SUPT3H: variants seen among roughly 807,000 people sequenced by gnomAD.
The protein encoded by SUPT3H is transcription initiation protein SPT3 homolog.
A neutral mutation model predicts 44.3 loss-of-function variants in SUPT3H; 44 were observed. That is an observed-to-expected ratio of 0.99 (90% CI 0.78 to 1.28). The LOEUF (loss-of-function observed/expected upper bound fraction) is 1.28, where lower values mean the gene tolerates loss of function less well. SUPT3H is among the 50% of genes most tolerant of loss of function. SUPT3H has a pLI of 0.00. For missense variants in SUPT3H, 380 were observed against 387.1 expected (o/e 0.98, Z 0.15); for synonymous variants, 124 against 125.6 (o/e 0.99, Z 0.09).
intron 2 of SUPT3H, among the ~76,000 whole-genome samples, chr6:45,111,500 A>G (rs1279484491): frequency 1.3e-5 from 2 of 151,958 alleles, no homozygotes; most frequent in East Asian, 3.9e-4. Context: ...AATTAGTACT[A>G]GAAGGTCATG....
At chr6:45,198,951 A>G (rs908131660) in intron 2 of SUPT3H, among the ~76,000 whole-genome samples, 5 of 151,302 alleles carry the variant, frequency 3.3e-5, no homozygotes, top group Non-Finnish European at 7.4e-5. Context: ...GACCAATTAC[A>G]ACACTTTATT....
intron 2 of SUPT3H, among the ~76,000 whole-genome samples, chr6:45,364,681 A>C (rs143754381): frequency 1.2e-3 from 178 of 152,294 alleles, no homozygotes; most frequent in African/African-American, 4.0e-3. Flanking sequence ...AATTTCCCAA[A>C]GATTGAATAC....
chr6:45,251,632 G>A (rs1772390762), intron 2 of SUPT3H, among the ~76,000 whole-genome samples: 2 of 151,950 alleles, frequency 1.3e-5, no homozygotes, highest in African/African-American at 4.8e-5. Flanking sequence ...AAAAAAAGAA[G>A]GTATTTTCAA....
chr6:45,341,522 T>C (rs773060596), intron 2 of SUPT3H, among the ~76,000 whole-genome samples: 24 of 152,294 alleles, frequency 1.6e-4, no homozygotes, highest in Non-Finnish European at 2.8e-4. Context: ...AACTACATTT[T>C]AAAAGGAAAA....
intron 10 of SUPT3H, among the ~76,000 whole-genome samples, chr6:44,893,225 G>GT (rs1459184561): frequency 6.6e-6 from 1 of 151,810 alleles, no homozygotes; most frequent in Non-Finnish European, 1.5e-5. Flanking sequence ...TAATAAAAAT[G>GT]TATTTTTTTT....
chr6:45,180,584 C>A (rs1415204424), intron 2 of SUPT3H, among the ~76,000 whole-genome samples: 2 of 151,348 alleles, frequency 1.3e-5, no homozygotes, highest in African/African-American at 2.4e-5. Context: ...ACTATCTGAT[C>A]TTTGACAAAC....
chr6:45,312,687 G>A lies in SUPT3H; in HGVS notation c.101+52514C>T, dbSNP rs941019366. ...TAGACAGCAACACAATAATGTGGGG[G>A]GGGGGGGGGACTTCAATACTCCACT... is the stretch of plus-strand genomic sequence containing the variant. On this transcript the variant is annotated intron_variant, in intron 2 of 10. Coordinates refer to ENST00000371459, the MANE Select transcript of SUPT3H (RefSeq NM_003599.4). Among the ~76,000 whole-genome samples, 16 of 139,442 alleles carry A rather than the reference G, an allele frequency of 1.1e-4. No individual in the cohort carries two copies. In the East Asian group the frequency reaches 3.4e-3, roughly 29 times the overall value. 91.5% of individuals were successfully genotyped at this position (139,442 alleles called of 152,430 possible).
Position 44,920,695 on chromosome 6 carries a change from G to C in SUPT3H, c.912+11958C>G, listed in dbSNP as rs906905377. ...TTGGCAGAACAGTTTGCTAACTGCTGCCCTAAATCATAAAGTCTGGGTAAA... is the reference window on the plus strand; with the variant it reads ...TTGGCAGAACAGTTTGCTAACTGCTCCCCTAAATCATAAAGTCTGGGTAAA... On this transcript the variant is annotated intron_variant, in intron 10 of 10. Coordinates refer to ENST00000371459, the MANE Select transcript of SUPT3H (RefSeq NM_003599.4). 5.9e-5 allele frequency among the ~76,000 whole-genome samples: 9 copies of C among 152,212 alleles called. No homozygotes were observed. The South Asian group carries it at 1.9e-3, about 32-fold the overall frequency.
chr6:44,855,576 G>T (rs913881544), intron 10 of SUPT3H, among the ~76,000 whole-genome samples: 3 of 151,964 alleles, frequency 2.0e-5, no homozygotes, highest in African/African-American at 7.3e-5. Context: ...TTCAAATATT[G>T]CAGGGAATCA....
intron 2 of SUPT3H, among the ~76,000 whole-genome samples, chr6:45,218,496 G>A (rs774964882): frequency 9.8e-5 from 15 of 152,304 alleles, no homozygotes; most frequent in Middle Eastern, 3.4e-3. Context: ...TTGGGAGGCC[G>A]AGGCAGGTGG....
intron 10 of SUPT3H, among the ~76,000 whole-genome samples, chr6:44,863,570 A>AT (rs1357342904): frequency 1.3e-5 from 2 of 152,182 alleles, no homozygotes; most frequent in African/African-American, 4.8e-5. Context: ...GGGTAGGAAC[A>AT]TTAAGTGGAG....
intron 2 of SUPT3H, among the ~76,000 whole-genome samples, chr6:45,213,285 A>C (rs1163408979): frequency 1.3e-5 from 2 of 152,212 alleles, no homozygotes; most frequent in East Asian, 3.8e-4. Flanking sequence ...AAGAAAACTG[A>C]ATAAAACATA....
chr6:45,065,262 C>T (rs369223228), intron 3 of SUPT3H, among the ~76,000 whole-genome samples: 2,019 of 132,082 alleles, frequency 0.015, 25 homozygotes, highest in Middle Eastern at 0.042. Context: ...TTGAAACCAA[C>T]GAGAACAAAG....
chr6:44,852,481 T>C (rs564244531), intron 10 of SUPT3H, among the ~76,000 whole-genome samples: 1 of 152,262 alleles, frequency 6.6e-6, no homozygotes, highest in African/African-American at 2.4e-5. Context: ...GTTCTAAGGC[T>C]ATTGAAGGAC....
chr6:45,155,307 G>A (rs1230750934), intron 2 of SUPT3H, among the ~76,000 whole-genome samples: 2 of 152,106 alleles, frequency 1.3e-5, no homozygotes, highest in African/African-American at 2.4e-5. Context: ...TCTATTTGGA[G>A]AGCCAGCATA....
At chr6:45,243,578 T>C (rs1770794962) in intron 2 of SUPT3H, among the ~76,000 whole-genome samples, 1 of 152,124 alleles carries the variant, frequency 6.6e-6, no homozygotes, top group South Asian at 2.1e-4. Context: ...AACTATATAT[T>C]CTACAAACAC....
At chr6:45,245,668 T>G (rs919448347) in intron 2 of SUPT3H, among the ~76,000 whole-genome samples, 1 of 152,172 alleles carries the variant, frequency 6.6e-6, no homozygotes, top group Non-Finnish European at 1.5e-5. Context: ...TACCACATTT[T>G]TTTATCCATT....
chr6:45,314,199 A>G (rs532336253), intron 2 of SUPT3H, among the ~76,000 whole-genome samples: 12 of 152,318 alleles, frequency 7.9e-5, no homozygotes, highest in Admixed American at 7.2e-4. Flanking sequence ...CTGAATGGGG[A>G]AAACTTGAAA....
At chr6:44,932,376 A>C (rs944647798) in intron 10 of SUPT3H, among the ~76,000 whole-genome samples, 11 of 152,342 alleles carry the variant, frequency 7.2e-5, no homozygotes, top group African/African-American at 2.6e-4. Context: ...ATAACGTTTT[A>C]TAAACCTAAG....
Sources: gnomAD v4.1 joint callset for allele counts (sites outside exome capture counted in the v4.1 genomes callset) on GRCh38, gnomAD v4.1.1 for gene constraint, MANE v1.5 for transcripts, NCBI Gene and HGNC (gene_info 2026-07-23, HGNC 2026-07-21) for gene names.